PACRGL: variants seen among roughly 807,000 people sequenced by gnomAD.
PACRGL encodes PACRG-like protein.
Under a neutral mutation model 34.5 loss-of-function variants are expected in PACRGL, and 38 were observed. The observed-to-expected ratio is 1.10, with a 90% confidence interval of 0.85 to 1.44. The LOEUF is 1.44. Ranked by LOEUF, PACRGL falls within the 40% of genes most tolerant of loss-of-function variation. The pLI, the probability that PACRGL is intolerant of heterozygous loss-of-function variation, is 0.00. For missense variants in PACRGL, 305 were observed against 281.4 expected (o/e 1.08, Z -0.60); for synonymous variants, 128 against 100.1 (o/e 1.28, Z -1.66).
At chr4:20,762,461 T>G in the PACRGL span, among the ~76,000 whole-genome samples, 1 of 152,218 alleles carries the variant, frequency 6.6e-6, no homozygotes, top group Non-Finnish European at 1.5e-5. Context: ...GATTTTTTAT[T>G]GAAACTAGTG....
chr4:20,718,571 G>T (rs1409622905), intron 7 of PACRGL, among the ~76,000 whole-genome samples: 2 of 152,280 alleles, frequency 1.3e-5, no homozygotes, highest in Non-Finnish European at 2.9e-5. Context: ...GTCCTTTTCT[G>T]CATCTATCGA....
the PACRGL span, among the ~76,000 whole-genome samples, chr4:20,766,205 C>T: frequency 2.0e-5 from 3 of 152,098 alleles, no homozygotes; most frequent in Non-Finnish European, 4.4e-5. Flanking sequence ...AGAGGGGCCA[C>T]TGCATTCCCA....
At chr4:20,699,157 T>C (rs1466610711), upstream of PACRGL, among the ~76,000 whole-genome samples, 2 of 152,102 alleles carry the variant, frequency 1.3e-5, no homozygotes, top group Non-Finnish European at 2.9e-5. Context: ...GAAAATATAA[T>C]AAGTCTTGAG....
At chr4:20,734,155 G>C (rs1749034675), downstream of PACRGL, among the ~76,000 whole-genome samples, 1 of 152,116 alleles carries the variant, frequency 6.6e-6, no homozygotes, top group South Asian at 2.1e-4. Flanking sequence ...TGTAATACGA[G>C]TATCTTAATT....
chr4:20,750,326 G>A (rs1184047467), intron 8 of PACRGL, among the ~76,000 whole-genome samples: 1 of 152,114 alleles, frequency 6.6e-6, no homozygotes, highest in African/African-American at 2.4e-5. Context: ...TAGCCCACAG[G>A]CAGTAAAGTT....
rs1339249565 is a variant in PACRGL, at chr4:20,729,512, G to A, written c.*2171G>A. The A allele has an allele frequency of 8.5e-6, 1 of 117,698 alleles. No individual in the cohort carries two copies. Among genetic ancestry groups the A allele is most frequent in the East Asian group, 2.3e-4 (1 of 4,382 alleles). 7.3% of individuals were successfully genotyped at this position (117,698 alleles called of 1,614,324 possible). ...TAATAATTTTTAAATGTTTAAAAAT[G>A]CCAGATAAAACTAATTTCTAACAGA... On this transcript the variant is annotated 3_prime_UTR_variant, in exon 9 of 9. Transcript: ENST00000503585.
chr4:20,736,412 T>C (rs1749643078), downstream of PACRGL, among the ~76,000 whole-genome samples: 1 of 152,224 alleles, frequency 6.6e-6, no homozygotes, highest in African/African-American at 2.4e-5. Flanking sequence ...TTCTATCATA[T>C]ATTCTAAACT....
chr4:20,720,652 C>T (rs1742611710), intron 7 of PACRGL, among the ~76,000 whole-genome samples: 1 of 152,130 alleles, frequency 6.6e-6, no homozygotes, highest in South Asian at 2.1e-4. Context: ...TGAATATTGG[C>T]CCCACTCTCT....
At chr4:20,760,709 G>A in the PACRGL span, among the ~76,000 whole-genome samples, 1 of 152,160 alleles carries the variant, frequency 6.6e-6, no homozygotes, top group Non-Finnish European at 1.5e-5. Context: ...CTAAGCCAGT[G>A]GGGAAGCTGG....
At chr4:20,717,187 T>G (rs1029218345) in intron 7 of PACRGL, among the ~76,000 whole-genome samples, 4 of 152,220 alleles carry the variant, frequency 2.6e-5, no homozygotes, top group Non-Finnish European at 5.9e-5. Flanking sequence ...GTTGTTTGTT[T>G]TTTTCTTGTA....
chr4:20,763,506 T>TA, the PACRGL span, among the ~76,000 whole-genome samples: 6 of 152,148 alleles, frequency 3.9e-5, no homozygotes, highest in Non-Finnish European at 5.9e-5. Flanking sequence ...GGCCAGGTCT[T>TA]AAAGTGGTAT....
In PACRGL at chr4:20,707,990, A is replaced by T. The variant is rs888371970; in HGVS notation, c.275+120A>T. On this transcript the variant is annotated intron_variant, in intron 4 of 8. Transcript: ENST00000503585. ...TACTAGTGAGGTTGAAATAAAGATGACTTTATTCACACTTTCTTTTGGACT... is the reference window on the plus strand; with the variant it reads ...TACTAGTGAGGTTGAAATAAAGATGTCTTTATTCACACTTTCTTTTGGACT... 3 of 754,840 alleles carry T rather than the reference A, an allele frequency of 4.0e-6. No individual in the cohort carries two copies. The African/African-American group carries it at 5.3e-5, about 13-fold the overall frequency. The allele number at this position is 754,840 out of a possible 1,614,324, so 46.8% of individuals were successfully genotyped here. A position where few individuals can be genotyped will look rare whatever the true frequency, so the allele number is the denominator to read the frequency against.
upstream of PACRGL, among the ~76,000 whole-genome samples, chr4:20,697,933 G>T (rs1436887851): frequency 6.6e-6 from 1 of 152,036 alleles, no homozygotes; most frequent in East Asian, 1.9e-4. Flanking sequence ...CCATCACCTT[G>T]GGAGTTAAAA....
At chr4:20,726,388 C>A (rs73240293) in intron 8 of PACRGL, among the ~76,000 whole-genome samples, 304 of 152,210 alleles carry the variant, frequency 2.0e-3, no homozygotes, top group Admixed American at 3.4e-3. Context: ...TTTCTTCTGA[C>A]TCCTCTTGTT....
the PACRGL span, chr4:20,758,721 C>T: frequency 1.8e-5 from 16 of 883,208 alleles, no homozygotes; most frequent in Non-Finnish European, 2.6e-5. Context: ...TTTTACATAA[C>T]GATTAAAAAT....
chr4:20,699,785 ATT>A (rs1381350383), upstream of PACRGL, among the ~76,000 whole-genome samples: 1 of 152,178 alleles, frequency 6.6e-6, no homozygotes, highest in African/African-American at 2.4e-5. Flanking sequence ...GGGAATATGC[ATT>A]TTCCTGCAGC....
downstream of PACRGL, among the ~76,000 whole-genome samples, chr4:20,755,542 G>A (rs1378359657): frequency 1.3e-5 from 2 of 152,174 alleles, no homozygotes; most frequent in African/African-American, 4.8e-5. Context: ...AAACAAAGTG[G>A]AGAAATCCTC....
chr4:20,759,661 A>G, the PACRGL span, among the ~76,000 whole-genome samples: 349 of 152,238 alleles, frequency 2.3e-3, no homozygotes, highest in African/African-American at 7.7e-3. Flanking sequence ...AGAAAAAAAG[A>G]AACTTTAAAG....
intron 5 of PACRGL, among the ~76,000 whole-genome samples, chr4:20,712,287 G>T (rs1189512611): frequency 4.7e-5 from 6 of 127,576 alleles, no homozygotes; most frequent in Middle Eastern, 4.2e-3. Flanking sequence ...CTTCCCTTCT[G>T]TGAGTAGAGA....
Sources: allele counts gnomAD v4.1 joint callset (sites outside exome capture counted in the v4.1 genomes callset), GRCh38; gene constraint gnomAD v4.1.1; transcripts MANE v1.5; gene names NCBI Gene and HGNC (gene_info 2026-07-23, HGNC 2026-07-21).